The following PTPRD variants were observed in gnomAD, a reference collection of about 807,000 sequenced individuals.
The protein encoded by PTPRD is receptor-type tyrosine-protein phosphatase delta.
In PTPRD, 34 loss-of-function variants were observed where a neutral mutation model predicts 214.5. The ratio of observed to expected loss-of-function variants is 0.16; its 90% CI spans 0.12 to 0.21. The LOEUF is 0.21. PTPRD is among the 10% of genes least tolerant of loss of function. PTPRD has a pLI of 1.00. For missense variants in PTPRD, 2,545 were observed against 2,398.7 expected, an observed-to-expected ratio of 1.06 and a Z score of -1.27; for synonymous variants, 1,128 against 845.7, an observed-to-expected ratio of 1.33 and a Z score of -5.79.
intron 8 of PTPRD, among the ~76,000 whole-genome samples, chr9:9,439,326 G>T (rs1205530983): frequency 2.6e-5 from 4 of 152,122 alleles, no homozygotes; most frequent in African/African-American, 9.7e-5. Flanking sequence ...ATACTCTGAT[G>T]AAGATACTTT....
rs140314381 is a variant in PTPRD at position 10,459,789 on chromosome 9, T to A, written c.-599-118772A>T. Reference sequence around the variant, plus strand: ...AAATTTATTTAAGTTCCTTGTGGATTCTGGATATTAGCCCTTTGTCAGATG... The same window carrying A: ...AAATTTATTTAAGTTCCTTGTGGATACTGGATATTAGCCCTTTGTCAGATG... On this transcript the variant is annotated intron_variant, in intron 2 of 45. Transcript: ENST00000381196. Among the ~76,000 whole-genome samples, 622 of 152,180 alleles carry A rather than the reference T, an allele frequency of 4.1e-3. 3 individuals are homozygous for A. Among genetic ancestry groups the A allele is most frequent in the African/African-American group, 0.014 (588 of 41,546 alleles).
chr9:8,712,568 G>A (rs1263026876), intron 12 of PTPRD, among the ~76,000 whole-genome samples: 1 of 152,098 alleles, frequency 6.6e-6, no homozygotes, highest in Non-Finnish European at 1.5e-5. Flanking sequence ...TACAAAGCTA[G>A]AGACAGAATG....
intron 41 of PTPRD, among the ~76,000 whole-genome samples, 184 bp from the exon 42 acceptor site, chr9:8,340,653 C>T (rs1333631252): frequency 1.3e-5 from 2 of 152,092 alleles, no homozygotes; most frequent in Non-Finnish European, 2.9e-5. Context: ...GGGGACTTCG[C>T]AAACTAAATT....
At chr9:8,941,735 C>T (rs1398916511) in intron 11 of PTPRD, among the ~76,000 whole-genome samples, 1 of 152,110 alleles carries the variant, frequency 6.6e-6, no homozygotes, top group Non-Finnish European at 1.5e-5. Context: ...AGCAAAAATA[C>T]GACTTTCATC....
chr9:10,100,993 A>C (rs980955118), intron 3 of PTPRD, among the ~76,000 whole-genome samples: 2 of 151,768 alleles, frequency 1.3e-5, no homozygotes, highest in African/African-American at 4.8e-5. Flanking sequence ...TGGGCTTTTC[A>C]AGTTGGCATT....
intron 11 of PTPRD, among the ~76,000 whole-genome samples, chr9:8,848,659 T>G (rs764235838): frequency 6.6e-6 from 1 of 152,024 alleles, no homozygotes; most frequent in Non-Finnish European, 1.5e-5. Flanking sequence ...TGGGCGTACT[T>G]GCCTGGACGA....
At chr9:9,412,754 G>A (rs1230837045) in intron 8 of PTPRD, among the ~76,000 whole-genome samples, 2 of 152,102 alleles carry the variant, frequency 1.3e-5, no homozygotes, top group Admixed American at 6.6e-5. Flanking sequence ...TCCCCCAAAA[G>A]AGTAGCTCTC....
chr9:10,392,959 T>A (rs1477841335), intron 2 of PTPRD, among the ~76,000 whole-genome samples: 1 of 151,756 alleles, frequency 6.6e-6, no homozygotes, highest in Admixed American at 6.6e-5. Flanking sequence ...GGATTCTCAG[T>A]CCTCAAAGTA....
intron 11 of PTPRD, among the ~76,000 whole-genome samples, chr9:8,737,785 G>A (rs1280064226): frequency 6.6e-6 from 1 of 152,060 alleles, no homozygotes; most frequent in African/African-American, 2.4e-5. Flanking sequence ...TGAGTGGCTG[G>A]GATTACAGGT....
intron 44 of PTPRD, among the ~76,000 whole-genome samples, chr9:8,331,196 C>G (rs1840397077): frequency 1.3e-5 from 2 of 148,532 alleles, no homozygotes; most frequent in South Asian, 2.1e-4. Flanking sequence ...TATTTGATAG[C>G]TATTCATGAG....
At chr9:8,427,608 A>C (rs7868338) in intron 35 of PTPRD, among the ~76,000 whole-genome samples, 11,072 of 152,078 alleles carry the variant, frequency 0.073, 621 homozygotes, top group African/African-American at 0.16. Context: ...ATAACAAGTG[A>C]TAATTGCACT....
intron 4 of PTPRD, among the ~76,000 whole-genome samples, chr9:9,987,314 A>G (rs7018792): frequency 0.83 from 126,969 of 152,110 alleles, 53,452 homozygotes; most frequent in Middle Eastern, 0.89. Context: ...CCATTTTCAC[A>G]CTGCTGATAA....
intron 22 of PTPRD, 122 bp downstream of exon 22, chr9:8,507,179 T>G (rs1592278866): frequency 8.7e-7 from 1 of 1,154,954 alleles, no homozygotes; most frequent in African/African-American, 1.6e-5. Context: ...TTTTAATTAG[T>G]AAATCTTTTC....
chr9:10,487,369 T>A (rs1276274944), intron 2 of PTPRD, among the ~76,000 whole-genome samples: 1 of 152,252 alleles, frequency 6.6e-6, no homozygotes, highest in Non-Finnish European at 1.5e-5. Flanking sequence ...GATCTTCTCT[T>A]CCTTCTTTCT....
chr9:9,922,506 A>G (rs931116374), intron 5 of PTPRD, among the ~76,000 whole-genome samples: 1 of 152,088 alleles, frequency 6.6e-6, no homozygotes, highest in African/African-American at 2.4e-5. Context: ...CAATGGAAGC[A>G]AAATTTCAGC....
At chr9:9,045,062 A>T (rs749207387) in intron 10 of PTPRD, among the ~76,000 whole-genome samples, 1,943 of 152,314 alleles carry the variant, frequency 0.013, 11 homozygotes, top group Non-Finnish European at 0.022. Context: ...TATGATGTTA[A>T]AGAAACATGA....
At chr9:8,488,197 A>G (rs1030025082) in intron 27 of PTPRD, among the ~76,000 whole-genome samples, 8 of 152,222 alleles carry the variant, frequency 5.3e-5, no homozygotes, top group South Asian at 2.1e-4. Context: ...TGGACTGATT[A>G]GCCTCTTCAT....
At chr9:10,563,115 T>C (rs1489882993) in intron 2 of PTPRD, among the ~76,000 whole-genome samples, 2 of 152,146 alleles carry the variant, frequency 1.3e-5, no homozygotes, top group African/African-American at 4.8e-5. Flanking sequence ...CCACTTGTCA[T>C]GGAAAATTGC....
intron 20 of PTPRD, among the ~76,000 whole-genome samples, chr9:8,518,725 G>C (rs1390157228): frequency 6.6e-6 from 1 of 152,020 alleles, no homozygotes; most frequent in Non-Finnish European, 1.5e-5. Flanking sequence ...CTTTGCTTTA[G>C]TTTCCTCATG....
Sources: allele counts gnomAD v4.1 joint callset (sites outside exome capture counted in the v4.1 genomes callset), GRCh38; gene constraint gnomAD v4.1.1; transcripts MANE v1.5; gene names NCBI Gene and HGNC (gene_info 2026-07-23, HGNC 2026-07-21).